Variants in COL21A1 observed in about 807,000 individuals in gnomAD.
COL21A1 encodes collagen type XXI alpha 1 chain.
Under a neutral mutation model 137.9 loss-of-function variants are expected in COL21A1, and 149 were observed. The observed-to-expected ratio is 1.08, with a 90% CI of 0.95 to 1.24. The LOEUF is 1.24. COL21A1 is among the 50% of genes most tolerant of loss of function. The pLI is 0.00. For missense variants in COL21A1, 1,167 were observed against 1,158.4 expected (o/e 1.01, Z -0.11); for synonymous variants, 456 against 391.5 (o/e 1.16, Z -1.95).
At chr6:56,316,488 T>TTTTTTTC (rs1461848294) in intron 1 of COL21A1, among the ~76,000 whole-genome samples, 1 of 131,354 alleles carries the variant, frequency 7.6e-6, no homozygotes, top group Non-Finnish European at 1.6e-5. Flanking sequence ...TTTTTTTTTT[T>TTTTTTTC]TTTTTTTTTT....
intron 1 of COL21A1, among the ~76,000 whole-genome samples, chr6:56,230,308 A>G (rs186358168): frequency 2.0e-5 from 3 of 152,050 alleles, no homozygotes; most frequent in East Asian, 3.9e-4. Flanking sequence ...ACTCTTTTTT[A>G]ATAGTACGGT....
chr6:56,391,767 T>C (rs9688332), intron 1 of COL21A1, among the ~76,000 whole-genome samples: 3,010 of 152,102 alleles, frequency 0.02, 88 homozygotes, highest in African/African-American at 0.067. Flanking sequence ...ACTGGATACA[T>C]TATACAATTT....
At chr6:56,342,358 T>C (rs749931104) in intron 1 of COL21A1, among the ~76,000 whole-genome samples, 3 of 152,188 alleles carry the variant, frequency 2.0e-5, no homozygotes, top group Non-Finnish European at 4.4e-5. Context: ...ATGTAAGTGA[T>C]TGTTGTTTTA....
intron 10 of COL21A1, among the ~76,000 whole-genome samples, chr6:56,143,419 C>A (rs548602732): frequency 3.7e-4 from 56 of 152,068 alleles, no homozygotes; most frequent in African/African-American, 1.3e-3. Context: ...CCAGGATGGT[C>A]TCAATATCCT....
chr6:56,263,914 GAAGA>G (rs570748562), intron 1 of COL21A1, among the ~76,000 whole-genome samples: 159 of 152,078 alleles, frequency 1.0e-3, no homozygotes, highest in African/African-American at 3.6e-3. Context: ...GAAAATCATA[GAAGA>G]AAGAACAAAT....
chr6:56,321,844 T>C (rs1163790325), intron 1 of COL21A1, among the ~76,000 whole-genome samples: 1 of 152,144 alleles, frequency 6.6e-6, no homozygotes, highest in Non-Finnish European at 1.5e-5. Flanking sequence ...CATTCTTCTA[T>C]GGTCGTTCAG....
intron 1 of COL21A1, among the ~76,000 whole-genome samples, chr6:56,270,116 CAT>C (rs1763488844): frequency 6.6e-6 from 1 of 152,188 alleles, no homozygotes; most frequent in South Asian, 2.1e-4. Flanking sequence ...ACTTAAAAGA[CAT>C]AGAGTGGCAA....
intron 27 of COL21A1, chr6:56,060,513 G>T: frequency 4.2e-6 from 2 of 471,808 alleles, no homozygotes; most frequent in South Asian, 4.4e-5. Context: ...TGCTACAAAA[G>T]AAAATTCAAA....
chr6:56,242,879 G>A (rs1562018988), intron 1 of COL21A1, among the ~76,000 whole-genome samples: 1 of 152,144 alleles, frequency 6.6e-6, no homozygotes, highest in Admixed American at 6.5e-5. Flanking sequence ...AGGTATAACT[G>A]TAGTATTCCA....
chr6:56,161,730 A>G (rs781223085), intron 9 of COL21A1, among the ~76,000 whole-genome samples: 6 of 152,148 alleles, frequency 3.9e-5, no homozygotes, highest in Non-Finnish European at 7.4e-5. Context: ...TAATTTTTTG[A>G]TGCCTGATAA....
intron 12 of COL21A1, among the ~76,000 whole-genome samples, chr6:56,129,565 C>A (rs879623977): frequency 7.9e-5 from 12 of 152,052 alleles, no homozygotes; most frequent in Non-Finnish European, 1.8e-4. Flanking sequence ...TGTTTCCAGT[C>A]TAAAAGGAAT....
At chr6:56,394,081 C>T (rs943578606) in exon 1 of COL21A1, 6 of 152,284 alleles carry the variant, frequency 3.9e-5, no homozygotes, top group Admixed American at 6.5e-5. Context: ...TATGAACTCC[C>T]TTGGCCAGAA....
intron 9 of COL21A1, among the ~76,000 whole-genome samples, chr6:56,157,989 C>T (rs982652592): frequency 6.6e-5 from 10 of 152,176 alleles, no homozygotes; most frequent in African/African-American, 2.2e-4. Flanking sequence ...GGAACTCTTG[C>T]GTGTTGCCCA....
At chr6:56,107,545 A>C (rs1561870823) in intron 16 of COL21A1, among the ~76,000 whole-genome samples, 1 of 152,172 alleles carries the variant, frequency 6.6e-6, no homozygotes, top group Non-Finnish European at 1.5e-5. Context: ...TTAAACTCTC[A>C]TCTTCATAGG....
chr6:56,384,634 C>T (rs930684836), intron 1 of COL21A1, among the ~76,000 whole-genome samples: 3 of 152,132 alleles, frequency 2.0e-5, no homozygotes, highest in Non-Finnish European at 4.4e-5. Flanking sequence ...TATTCTGGCC[C>T]ACAAACAACA....
At chr6:56,229,842 A>G (rs1204864727) in intron 1 of COL21A1, among the ~76,000 whole-genome samples, 1 of 151,928 alleles carries the variant, frequency 6.6e-6, no homozygotes, top group Non-Finnish European at 1.5e-5. Context: ...CAGAACTAAT[A>G]AGAATCTCCT....
intron 1 of COL21A1, among the ~76,000 whole-genome samples, chr6:56,295,734 A>T (rs1439316850): frequency 6.6e-6 from 1 of 151,038 alleles, no homozygotes; most frequent in East Asian, 1.9e-4. Context: ...TTAAATTTCA[A>T]TTATTCATTC....
intron 1 of COL21A1, among the ~76,000 whole-genome samples, chr6:56,349,809 C>A (rs374129549): frequency 1.3e-4 from 20 of 152,286 alleles, no homozygotes; most frequent in African/African-American, 4.6e-4. Flanking sequence ...AGAAAGCAAA[C>A]AACCTAGAAA....
chr6:56,292,271 C>A (rs191957453), intron 1 of COL21A1, among the ~76,000 whole-genome samples: 351 of 152,186 alleles, frequency 2.3e-3, no homozygotes, highest in African/African-American at 7.3e-3. Context: ...GCCTGTTACT[C>A]TGCTTTTGTT....
Sources: gnomAD v4.1 joint callset for allele counts (sites outside exome capture counted in the v4.1 genomes callset) on GRCh38, gnomAD v4.1.1 for gene constraint, MANE v1.5 for transcripts, NCBI Gene and HGNC (gene_info 2026-07-23, HGNC 2026-07-21) for gene names.